MAP3K20: variants seen among roughly 807,000 people sequenced by gnomAD.
MAP3K20 encodes the protein HCCS-4.
Under a neutral mutation model 85.7 loss-of-function variants are expected in MAP3K20, and 40 were observed. The observed-to-expected ratio is 0.47, with a 90% CI of 0.36 to 0.61. MAP3K20 has a LOEUF of 0.61. MAP3K20 is among the 20% of genes least tolerant of loss of function. MAP3K20 has a pLI of 0.00. For missense variants in MAP3K20, 817 were observed against 961.7 expected, an observed-to-expected ratio of 0.85 and a Z score of 1.99; for synonymous variants, 325 against 327.7, an observed-to-expected ratio of 0.99 and a Z score of 0.09.
intron 1 of MAP3K20, among the ~76,000 whole-genome samples, chr2:173,085,175 A>G (rs527266916): frequency 1.3e-5 from 2 of 152,328 alleles, no homozygotes; most frequent in African/African-American, 4.8e-5. Context: ...AACTCCTATC[A>G]ATCTAATTCT....
Position 173,238,456 on chromosome 2 carries a change from C to G in MAP3K20, c.1266+21C>G, listed in dbSNP as rs772346965. The G allele has an allele frequency of 3.8e-6, 6 of 1,596,468 alleles. No individual in the cohort carries two copies. In the Admixed American group the frequency reaches 5.1e-5, roughly 14 times the overall value. On this transcript the variant is annotated intron_variant, in intron 15 of 19. Transcript: ENST00000375213. The stretch of plus-strand genomic sequence containing the variant: ...TTAAGGTAAGTAAGGTTTTTCTTAC[C>G]GACACTAATGCTACCTTTATTGACA...
At chr2:173,225,924 A>G in intron 11 of MAP3K20, 2 of 985,250 alleles carry the variant, frequency 2.0e-6, no homozygotes. Context: ...AAAAAAAGAA[A>G]AAAAACTCAT....
chr2:173,146,223 GT>G, intron 2 of MAP3K20, among the ~76,000 whole-genome samples: 1 of 151,442 alleles, frequency 6.6e-6, no homozygotes, highest in African/African-American at 2.4e-5. Flanking sequence ...AAAGTTTCAG[GT>G]TTTTGTTGTT....
chr2:173,123,509 A>C (rs996965789), intron 2 of MAP3K20, among the ~76,000 whole-genome samples: 1 of 152,184 alleles, frequency 6.6e-6, no homozygotes, highest in African/African-American at 2.4e-5. Context: ...TTATAAAGAC[A>C]TCTACTCCAG....
chr2:173,112,975 T>G (rs1688016617), intron 2 of MAP3K20, among the ~76,000 whole-genome samples: 1 of 152,142 alleles, frequency 6.6e-6, no homozygotes, highest in African/African-American at 2.4e-5. Context: ...TCTTGTGGAA[T>G]AGTGGTCAAA....
At chr2:173,105,901 T>G (rs1160293673) in intron 2 of MAP3K20, among the ~76,000 whole-genome samples, 1 of 152,184 alleles carries the variant, frequency 6.6e-6, no homozygotes, top group African/African-American at 2.4e-5. Flanking sequence ...AATGGTTTAA[T>G]TGGTAAGTTT....
At chr2:173,134,411 TATATATATATA>T (rs1688725804) in intron 2 of MAP3K20, among the ~76,000 whole-genome samples, 1 of 10,176 alleles carries the variant, frequency 9.8e-5, no homozygotes, top group Non-Finnish European at 2.8e-4. Flanking sequence ...TATATATATA[TATATATATATA>T]TATATATTTT....
At chr2:173,219,178 A>T (rs767204434) in intron 11 of MAP3K20, among the ~76,000 whole-genome samples, 8 of 152,250 alleles carry the variant, frequency 5.3e-5, no homozygotes, top group Admixed American at 3.3e-4. Context: ...TCTTAGAGAA[A>T]GATGAAATAA....
intron 1 of MAP3K20, among the ~76,000 whole-genome samples, chr2:173,086,426 T>A (rs1307838665): frequency 6.6e-6 from 1 of 152,232 alleles, no homozygotes; most frequent in East Asian, 1.9e-4. Context: ...AACCAAGTTT[T>A]TCAGCTACAT....
At chr2:173,137,397 A>G (rs1189401321) in intron 2 of MAP3K20, among the ~76,000 whole-genome samples, 2 of 151,918 alleles carry the variant, frequency 1.3e-5, no homozygotes, top group Non-Finnish European at 2.9e-5. Flanking sequence ...AGAGAATTAT[A>G]AATACCCTAT....
intron 2 of MAP3K20, among the ~76,000 whole-genome samples, chr2:173,115,526 T>C (rs535456368): frequency 6.6e-6 from 1 of 152,196 alleles, no homozygotes; most frequent in Admixed American, 6.5e-5. Flanking sequence ...TTCTGGTTCC[T>C]TCTCATTTGG....
chr2:173,214,713 A>G (rs1684017438), intron 10 of MAP3K20, among the ~76,000 whole-genome samples: 1 of 152,228 alleles, frequency 6.6e-6, no homozygotes, highest in African/African-American at 2.4e-5. Flanking sequence ...AATTGATACT[A>G]GTTGACATTG....
At chr2:173,216,598 C>A (rs375272961) in intron 10 of MAP3K20, among the ~76,000 whole-genome samples, 1 of 133,076 alleles carries the variant, frequency 7.5e-6, no homozygotes. Flanking sequence ...CCACCCCTTA[C>A]AACCAAGGAA....
Position 173,198,375 on chromosome 2 carries a change from C to A in MAP3K20, c.669+263C>A. 1 of 232,748 alleles carries A rather than the reference C, an allele frequency of 4.3e-6. No individual in the cohort carries two copies. Among genetic ancestry groups the A allele is most frequent in the Non-Finnish European group, 8.4e-6 (1 of 118,652 alleles). 14.4% of individuals were successfully genotyped at this position (232,748 alleles called of 1,614,324 possible). On this transcript the variant is annotated intron_variant, in intron 8 of 19. Coordinates refer to ENST00000375213, the MANE Select transcript of MAP3K20 (RefSeq NM_016653.3). This position sits in a 1 kb window ranked among gnomAD's most constrained non-coding sequence, Gnocchi z 5.8. ...AGTTTCTCAGTCTCAATTGTAAAAC[C>A]TAGGGGTTTGTTCTTAGTGATGAAA...
chr2:173,122,660 T>TTTGTTG (rs966870282), intron 2 of MAP3K20, among the ~76,000 whole-genome samples: 5 of 152,022 alleles, frequency 3.3e-5, no homozygotes, highest in African/African-American at 1.2e-4. Flanking sequence ...GGACCTACGT[T>TTTGTTG]TTGTTGTTGT....
chr2:173,084,424 CAA>C (rs60463346), intron 1 of MAP3K20, among the ~76,000 whole-genome samples: 7 of 136,546 alleles, frequency 5.1e-5, no homozygotes, highest in Admixed American at 1.5e-4. Context: ...CCAAAAAGTG[CAA>C]AAAAAAAAAA....
chr2:173,239,243 TGTTG>T (rs958867882), intron 15 of MAP3K20, among the ~76,000 whole-genome samples, 157 bp from the exon 16 acceptor site: 4 of 152,170 alleles, frequency 2.6e-5, no homozygotes, highest in African/African-American at 7.2e-5. Flanking sequence ...ATGTCATTTC[TGTTG>T]GTTGATGTAA....
intron 2 of MAP3K20, among the ~76,000 whole-genome samples, chr2:173,156,305 C>G (rs1203633372): frequency 6.6e-6 from 1 of 152,114 alleles, no homozygotes; most frequent in African/African-American, 2.4e-5. Flanking sequence ...TTTAGTAGAA[C>G]CCCATTTATT....
chr2:173,196,317 GC>G (rs1347293243), intron 7 of MAP3K20, among the ~76,000 whole-genome samples: 1 of 152,092 alleles, frequency 6.6e-6, no homozygotes, highest in African/African-American at 2.4e-5. Flanking sequence ...CAGCCCTCTT[GC>G]TGCCCAGCCT....
Sources: allele counts gnomAD v4.1 joint callset (sites outside exome capture counted in the v4.1 genomes callset), GRCh38; gene constraint gnomAD v4.1.1; non-coding constraint Gnocchi (gnomAD v3.1); transcripts MANE v1.5; gene names NCBI Gene and HGNC (gene_info 2026-07-23, HGNC 2026-07-21).